Variants in PCDH9 observed in about 807,000 individuals in gnomAD.
PCDH9 encodes the protein protocadherin 9, also known as protocadherin-9.
A neutral mutation model predicts 70.6 loss-of-function variants in PCDH9; 24 were observed. The observed-to-expected ratio is 0.34, with a 90% confidence interval of 0.25 to 0.48. PCDH9 has a LOEUF of 0.48. Ranked by LOEUF, PCDH9 falls within the 20% of genes least tolerant of loss-of-function variation. The pLI is 0.99. For missense variants in PCDH9, 1,281 were observed against 1,503.6 expected, an observed-to-expected ratio of 0.85 and a Z score of 2.45; for synonymous variants, 562 against 558.5, an observed-to-expected ratio of 1.01 and a Z score of -0.09.
chr13:67,011,279 C>A (rs55823553), intron 2 of PCDH9, among the ~76,000 whole-genome samples: 172 of 151,904 alleles, frequency 1.1e-3, no homozygotes, highest in Non-Finnish European at 1.9e-3. Context: ...CTATATCCTG[C>A]ATTTATAGTC....
intron 2 of PCDH9, chr13:66,996,217 T>A (rs1278332952): frequency 1.3e-5 from 2 of 152,224 alleles, no homozygotes; most frequent in African/African-American, 4.8e-5. Context: ...TTACTATTTT[T>A]CCAGGTAGTT....
In PCDH9 at chr13:66,939,165, T is replaced by C. The variant is rs112404570; in HGVS notation, c.3037-35560A>G. ...TTGAGCAATCTATACTGTATAAGAT[T>C]CCATGTAAAATCAAAATATCACTGT... is the stretch of plus-strand genomic sequence containing the variant. On this transcript the variant is annotated intron_variant, in intron 2 of 4. Transcript: ENST00000377865. 8.3e-3 allele frequency among the ~76,000 whole-genome samples: 1,258 copies of C among 152,186 alleles called. 16 individuals are homozygous for C. Among genetic ancestry groups the C allele is most frequent in the African/African-American group, 0.029 (1,199 of 41,536 alleles).
intron 3 of PCDH9, among the ~76,000 whole-genome samples, chr13:66,791,987 T>C (rs1442021558): frequency 6.6e-6 from 1 of 152,176 alleles, no homozygotes; most frequent in Non-Finnish European, 1.5e-5. Context: ...GTTATGAATT[T>C]TATAATAAAA....
At chr13:66,811,849 T>C (rs1022435224) in intron 3 of PCDH9, among the ~76,000 whole-genome samples, 1 of 151,846 alleles carries the variant, frequency 6.6e-6, no homozygotes, top group Non-Finnish European at 1.5e-5. Flanking sequence ...GGTTACAAAG[T>C]TTTTGACCCA....
In PCDH9 at chr13:67,120,417, G is replaced by T. The variant is rs557677553; in HGVS notation, c.3036+104988C>A. On this transcript the variant is annotated intron_variant, in intron 2 of 4. Transcript: ENST00000377865. Reference sequence around the variant, plus strand: ...CTCATGGCCAGCCCCTGGAATTAGGGGTTAGAAATCAATGTTTAATTCCTT... The same window carrying T: ...CTCATGGCCAGCCCCTGGAATTAGGTGTTAGAAATCAATGTTTAATTCCTT... Among the ~76,000 whole-genome samples the T allele has an allele frequency of 3.9e-5, 6 of 152,046 alleles. No homozygotes were observed. In the South Asian group the frequency reaches 1.2e-3, roughly 32 times the overall value.
At chr13:66,646,075 G>A (rs1353552163) in intron 3 of PCDH9, among the ~76,000 whole-genome samples, 4 of 152,162 alleles carry the variant, frequency 2.6e-5, no homozygotes, top group African/African-American at 4.8e-5. Context: ...ATTCCTGTGT[G>A]GAACACAAAC....
At chr13:66,305,966 C>T (rs1032707995) in intron 4 of PCDH9, among the ~76,000 whole-genome samples, 5 of 151,844 alleles carry the variant, frequency 3.3e-5, no homozygotes, top group Non-Finnish European at 7.4e-5. Context: ...ACAACATAAG[C>T]CAAATGGTTA....
intron 3 of PCDH9, among the ~76,000 whole-genome samples, chr13:66,854,140 T>A (rs2081357803): frequency 1.3e-5 from 2 of 152,164 alleles, no homozygotes; most frequent in Non-Finnish European, 2.9e-5. Flanking sequence ...TAATGAGAAG[T>A]ATAGCATAGT....
chr13:66,792,904 T>C (rs1285360287), intron 3 of PCDH9, among the ~76,000 whole-genome samples: 2 of 151,198 alleles, frequency 1.3e-5, no homozygotes, highest in African/African-American at 4.8e-5. Flanking sequence ...CTATAGTGTA[T>C]TGATAGTGAA....
At chr13:66,863,572 G>A (rs1390708107) in intron 3 of PCDH9, among the ~76,000 whole-genome samples, 1 of 151,956 alleles carries the variant, frequency 6.6e-6, no homozygotes. Context: ...TGCAAGTTCC[G>A]CCTCCCGGGT....
chr13:66,330,391 T>G (rs1389124103), intron 4 of PCDH9, among the ~76,000 whole-genome samples: 1 of 152,238 alleles, frequency 6.6e-6, no homozygotes, highest in Non-Finnish European at 1.5e-5. Flanking sequence ...TGTCTCAGCA[T>G]GTCCTGCGGC....
chr13:67,152,968 A>C (rs1391718881), intron 2 of PCDH9, among the ~76,000 whole-genome samples: 1 of 151,638 alleles, frequency 6.6e-6, no homozygotes, highest in Non-Finnish European at 1.5e-5. Context: ...CCCCCGCCCC[A>C]GTGAAGAATT....
At chr13:66,770,640 A>G (rs777107289) in intron 3 of PCDH9, among the ~76,000 whole-genome samples, 1 of 152,144 alleles carries the variant, frequency 6.6e-6, no homozygotes, top group Non-Finnish European at 1.5e-5. Context: ...GAGTAATTAA[A>G]CCCAGGGATA....
intron 2 of PCDH9, among the ~76,000 whole-genome samples, chr13:67,027,583 T>C (rs2084812164): frequency 6.7e-6 from 1 of 150,278 alleles, no homozygotes; most frequent in Admixed American, 6.6e-5. Flanking sequence ...CTAATTAAAC[T>C]AAAGAGCTTC....
intron 3 of PCDH9, among the ~76,000 whole-genome samples, chr13:66,738,408 A>C (rs1358350263): frequency 6.6e-6 from 1 of 151,964 alleles, no homozygotes; most frequent in East Asian, 1.9e-4. Context: ...AGGACAGAAA[A>C]ACTGGAAACT....
chr13:66,572,861 G>A (rs542243713), intron 4 of PCDH9, among the ~76,000 whole-genome samples: 1 of 152,226 alleles, frequency 6.6e-6, no homozygotes, highest in South Asian at 2.1e-4. Flanking sequence ...CCAGGCTCAA[G>A]AGATCCTCCT....
intron 3 of PCDH9, among the ~76,000 whole-genome samples, chr13:66,656,156 A>T (rs565787247): frequency 7.8e-4 from 118 of 152,000 alleles, no homozygotes; most frequent in Non-Finnish European, 1.4e-3. Context: ...AAATCAAAGC[A>T]AACTTCTTGT....
chr13:66,487,106 A>G (rs1439917731), intron 4 of PCDH9, among the ~76,000 whole-genome samples: 1 of 152,252 alleles, frequency 6.6e-6, no homozygotes, highest in Non-Finnish European at 1.5e-5. Flanking sequence ...TGATAGTAAT[A>G]TATCAAAATA....
intron 2 of PCDH9, among the ~76,000 whole-genome samples, chr13:67,119,141 G>A (rs186854264): frequency 6.6e-6 from 1 of 152,088 alleles, no homozygotes; most frequent in Non-Finnish European, 1.5e-5. Flanking sequence ...AATCTATTAT[G>A]GGCCTAAAGC....
Sources: gnomAD v4.1 joint callset for allele counts (sites outside exome capture counted in the v4.1 genomes callset) on GRCh38, gnomAD v4.1.1 for gene constraint, MANE v1.5 for transcripts, NCBI Gene and HGNC (gene_info 2026-07-23, HGNC 2026-07-21) for gene names.